DNAH9: variants seen among roughly 807,000 people sequenced by gnomAD.
DNAH9 encodes DNAH9 variant protein.
Under a neutral mutation model 471.6 loss-of-function variants are expected in DNAH9, and 345 were observed. That is an observed-to-expected ratio of 0.73 (90% CI 0.67 to 0.80). The LOEUF (loss-of-function observed/expected upper bound fraction) is 0.80, where lower values mean the gene tolerates loss of function less well. DNAH9 is among the 30% of genes least tolerant of loss of function. The probability of loss-of-function intolerance (pLI) is 0.00; values close to 1 mark genes in which losing one functional copy is unlikely to be tolerated. For synonymous variants in DNAH9, 2,093 were observed against 2,123.6 expected (o/e 0.99, Z 0.40); for missense variants, 5,407 against 5,609.2 (o/e 0.96, Z 1.15).
In DNAH9 at chr17:11,719,385, C is replaced by T. The variant is rs61739497; in HGVS notation, c.5604C>T (p.Pro1868=). Residue 1868 remains proline, a synonymous_variant, in exon 27 of 69, where the codon CCC becomes CCT. Transcript: ENST00000262442. ...TGCACCTGACCATGAGTGGGGCTCC[C>T]GCAGGACCTGCAGGCACAGGCAAGA... ...QSLHLTMSGA[P]AGPAGTGKTE... 1.6e-3 allele frequency: 2,522 copies of T among 1,613,980 alleles called. 35 individuals carry two copies. In the African/African-American group the frequency reaches 0.026, roughly 16 times the overall value.
At chr17:11,607,973 A>C (rs2072544983) in intron 1 of DNAH9, among the ~76,000 whole-genome samples, 156 bp from the exon 2 acceptor site, 1 of 152,228 alleles carries the variant, frequency 6.6e-6, no homozygotes, top group East Asian at 1.9e-4. Context: ...CCAGATGTCA[A>C]GGTCGTATGT....
Position 11,689,916 on chromosome 17 carries a change from A to G in DNAH9, c.4094A>G (p.Asn1365Ser). The G allele has an allele frequency of 3.7e-6, 6 of 1,609,322 alleles. No individual in the cohort carries two copies. The highest frequency in any genetic ancestry group is 4.2e-6 in the Non-Finnish European group (5 of 1,177,540). Residue 1365 changes from asparagine (N) to serine (S), a missense_variant, in exon 20 of 69, where the codon AAC (asparagine) becomes AGC (serine). Coordinates refer to ENST00000262442, the MANE Select transcript of DNAH9 (RefSeq NM_001372.4). ...ACAGGCCTGGAAAGCACTGTGTGGA[A>G]CACGCTGAGCTCCCTGAGGGCAGTA... Reference protein sequence around the residue: ...AFTGLESTVWNTLSSLRAVAE... With the variant: ...AFTGLESTVWSTLSSLRAVAE...
At chr17:11,929,083 G>A (rs1212837043) in intron 62 of DNAH9, among the ~76,000 whole-genome samples, 3 of 147,496 alleles carry the variant, frequency 2.0e-5, no homozygotes, top group African/African-American at 7.6e-5. Context: ...CGCCCAAGCT[G>A]GAGTGCAGTG....
Position 11,833,484 on chromosome 17 carries a change from C to T in DNAH9, c.9247-1154C>T, listed in dbSNP as rs149541972. On this transcript the variant is annotated intron_variant, in intron 48 of 68. Transcript: ENST00000262442. ...GAGGGAAGGCTTCCAGTGTGCCCTG[C>T]GGTAGGCGGGCTCACTGGAAGTCTG... 9.1e-3 allele frequency among the ~76,000 whole-genome samples: 1,391 copies of T among 152,070 alleles called. 21 individuals carry two copies. Among genetic ancestry groups the T allele is most frequent in the African/African-American group, 0.032 (1,312 of 41,468 alleles).
intron 38 of DNAH9, among the ~76,000 whole-genome samples, chr17:11,772,365 G>A (rs999469358): frequency 6.6e-6 from 1 of 152,118 alleles, no homozygotes; most frequent in Non-Finnish European, 1.5e-5. Context: ...AAGCAAGGAA[G>A]AGAAGATGAG....
intron 61 of DNAH9, 127 bp from the exon 62 acceptor site, chr17:11,923,687 G>A (rs1006754305): frequency 8.6e-7 from 1 of 1,169,550 alleles, no homozygotes; most frequent in Admixed American, 2.3e-5. Flanking sequence ...AGTATATGAG[G>A]TTTCGGTTAT....
chr17:11,749,378 T>A (rs1457307201), intron 32 of DNAH9, among the ~76,000 whole-genome samples: 1 of 152,110 alleles, frequency 6.6e-6, no homozygotes, highest in Non-Finnish European at 1.5e-5. Context: ...GCCACCATGA[T>A]GCCAGGCCAA....
chr17:11,747,956 A>C (rs1258463482), intron 32 of DNAH9, among the ~76,000 whole-genome samples, 190 bp downstream of exon 32: 1 of 152,042 alleles, frequency 6.6e-6, no homozygotes, highest in East Asian at 1.9e-4. Context: ...AGTTTTTCAG[A>C]TATTCTCCCT....
intron 61 of DNAH9, among the ~76,000 whole-genome samples, chr17:11,918,388 G>A (rs778981604): frequency 3.3e-5 from 5 of 151,926 alleles, no homozygotes; most frequent in Non-Finnish European, 5.9e-5. Flanking sequence ...ATGCCACTAT[G>A]CCCGGCTAAT....
In DNAH9 at chr17:11,617,423, CA is replaced by C; in HGVS notation, c.918del (p.Gln307ArgfsTer7). The C allele has an allele frequency of 6.2e-7, 1 of 1,613,550 alleles. No individual in the cohort carries two copies. Reference sequence around the variant, plus strand: ...CAATTCCTTCCAGCTCTAGCAGAGGCACAGGACATCCATGTGCACCTGATAC... The same window carrying C: ...CAATTCCTTCCAGCTCTAGCAGAGGCCAGGACATCCATGTGCACCTGATAC... Reference protein sequence around the residue: ...YRDVVAALAEAQDIHVHLIPL... With the variant: ...YRDVVAALAEXQDIHVHLIPL... On this transcript the variant is annotated frameshift_variant, in exon 5 of 69. Coordinates refer to ENST00000262442, the MANE Select transcript of DNAH9 (RefSeq NM_001372.4). LOFTEE classifies it high-confidence loss of function.
Position 11,679,791 on chromosome 17 carries a change from G to A in DNAH9, c.3388G>A (p.Glu1130Lys). ...ANLDAFIKKS[E>K]SGLLKKVEKG... is the part of the protein sequence containing the mutation. ...CCTGGATGCGTTTATAAAGAAGAGT[G>A]AGAGCGGCTTACTCAAGAAAGTTGA... is the stretch of plus-strand genomic sequence containing the variant. The change falls in exon 18 of 69, where the codon GAG becomes AAG. Residue 1130 changes from glutamate (E) to lysine (K), a missense_variant. This residue lies in a region of DNAH9 where 4,636 missense variants were observed against 4,900.3 expected (regional missense o/e 0.95). Coordinates refer to ENST00000262442, the MANE Select transcript of DNAH9 (RefSeq NM_001372.4). 1 of 1,614,140 alleles carries A rather than the reference G, an allele frequency of 6.2e-7. No homozygotes were observed. The highest frequency in any genetic ancestry group is 8.5e-7 in the Non-Finnish European group (1 of 1,179,996).
At chr17:11,731,241 G>A (rs893695754) in intron 28 of DNAH9, among the ~76,000 whole-genome samples, 6 of 152,156 alleles carry the variant, frequency 3.9e-5, no homozygotes, top group Admixed American at 6.5e-5. Flanking sequence ...TGATGGTGAT[G>A]GTGGTGATGA....
chr17:11,842,443 T>A (rs2150959957), intron 49 of DNAH9, among the ~76,000 whole-genome samples: 1 of 151,966 alleles, frequency 6.6e-6, no homozygotes, highest in Admixed American at 6.5e-5. Context: ...TGAAGTGGAG[T>A]TTATTAAGGA....
chr17:11,943,871 C>T (rs1190738115), intron 67 of DNAH9, among the ~76,000 whole-genome samples: 4 of 152,118 alleles, frequency 2.6e-5, no homozygotes, highest in Non-Finnish European at 5.9e-5. Context: ...AAATGAAGTA[C>T]AAAATTTCAC....
chr17:11,921,111 A>T (rs559405560), intron 61 of DNAH9, among the ~76,000 whole-genome samples: 8 of 151,742 alleles, frequency 5.3e-5, no homozygotes, highest in Admixed American at 5.2e-4. Context: ...ACTGCACTCC[A>T]GCCTGGGTGT....
chr17:11,615,369 G>A (rs1485381969), intron 4 of DNAH9, among the ~76,000 whole-genome samples: 2 of 152,028 alleles, frequency 1.3e-5, no homozygotes, highest in African/African-American at 4.8e-5. Context: ...CAGATCACTT[G>A]AGGTCAGGAG....
rs539505978 is a variant in DNAH9, at chr17:11,915,749, CA to C, written c.11750-8062del. On this transcript the variant is annotated intron_variant, in intron 61 of 68. Transcript: ENST00000262442. ...AACCATCCAATGCCTACTCATCCTG[CA>C]AATTACCAGCCATTTCTGGCCTCCC... Among the ~76,000 whole-genome samples the C allele has an allele frequency of 2.5e-3, 385 of 152,330 alleles. 6 individuals are homozygous for C. The highest frequency in any genetic ancestry group is 8.3e-3 in the African/African-American group (345 of 41,566).
At chr17:11,857,232 C>G (rs542108439) in intron 50 of DNAH9, among the ~76,000 whole-genome samples, 1 of 152,132 alleles carries the variant, frequency 6.6e-6, no homozygotes, top group Non-Finnish European at 1.5e-5. Context: ...ACTCAACCTG[C>G]GAAAGCAATA....
Position 11,804,183 on chromosome 17 carries a change from C to T in DNAH9, c.8421-3549C>T, listed in dbSNP as rs1314807190. ...AAGTGTAAATCTATCTGATATAAGACAGTATAAGTTTCACAATTAAATAAT... is the reference window on the plus strand; with the variant it reads ...AAGTGTAAATCTATCTGATATAAGATAGTATAAGTTTCACAATTAAATAAT... On this transcript the variant is annotated intron_variant, in intron 43 of 68. Coordinates refer to ENST00000262442, the MANE Select transcript of DNAH9 (RefSeq NM_001372.4). 3.9e-5 allele frequency among the ~76,000 whole-genome samples: 6 copies of T among 152,086 alleles called. No homozygotes were observed. In the South Asian group the frequency reaches 8.3e-4, roughly 21 times the overall value.
Sources: gnomAD v4.1 joint callset for allele counts (sites outside exome capture counted in the v4.1 genomes callset) on GRCh38, gnomAD v4.1.1 for gene constraint, gnomAD v4.1.1 regional missense constraint, MANE v1.5 for transcripts, NCBI Gene and HGNC (gene_info 2026-07-23, HGNC 2026-07-21) for gene names.